The following ABTB3 variants were observed in gnomAD, a reference collection of about 807,000 sequenced individuals.
ABTB3 encodes the protein ankyrin repeat- and BTB/POZ domain-containing protein 3.
chr12:107,342,405 G>A, the ABTB3 span, among the ~76,000 whole-genome samples: 1 of 152,064 alleles, frequency 6.6e-6, no homozygotes, highest in Non-Finnish European at 1.5e-5. Flanking sequence ...TCAGCTGAAA[G>A]GACCATGGTG....
the ABTB3 span, among the ~76,000 whole-genome samples, chr12:107,574,657 G>T: frequency 6.6e-6 from 1 of 152,218 alleles, no homozygotes; most frequent in Non-Finnish European, 1.5e-5. Flanking sequence ...AGGAGGCAGA[G>T]GTTGCAGTGA....
At chr12:107,406,160 C>T in the ABTB3 span, among the ~76,000 whole-genome samples, 1 of 152,202 alleles carries the variant, frequency 6.6e-6, no homozygotes. Flanking sequence ...GTACCTGTCC[C>T]ATGGGGTTGT....
chr12:107,651,468 C>A, the ABTB3 span, among the ~76,000 whole-genome samples: 1 of 152,106 alleles, frequency 6.6e-6, no homozygotes, highest in Non-Finnish European at 1.5e-5. Context: ...TCCCCTCCCC[C>A]TCCCGCTCCC....
chr12:107,649,484 G>T, the ABTB3 span: 1 of 559,792 alleles, frequency 1.8e-6, no homozygotes. Flanking sequence ...CTGGCAGGCT[G>T]GGGTGCTAGT....
chr12:107,544,117 A>G, the ABTB3 span: 3 of 1,613,978 alleles, frequency 1.9e-6, no homozygotes, highest in Non-Finnish European at 2.5e-6. Flanking sequence ...GGAGCCTTCC[A>G]AAGTCAACCT....
At chr12:107,397,802 A>G in the ABTB3 span, among the ~76,000 whole-genome samples, 1 of 152,108 alleles carries the variant, frequency 6.6e-6, no homozygotes, top group Non-Finnish European at 1.5e-5. Flanking sequence ...ATGGGGGTCT[A>G]ATCTAATTTT....
chr12:107,503,580 A>G, the ABTB3 span, among the ~76,000 whole-genome samples: 12 of 151,854 alleles, frequency 7.9e-5, no homozygotes, highest in Middle Eastern at 3.2e-3. Context: ...CAACATGATG[A>G]GACCCCGTCT....
the ABTB3 span, among the ~76,000 whole-genome samples, chr12:107,426,364 C>T: frequency 6.6e-6 from 1 of 152,160 alleles, no homozygotes; most frequent in Non-Finnish European, 1.5e-5. Context: ...GCCCATTGGG[C>T]TGCCCTCTGC....
At chr12:107,648,870 G>A in the ABTB3 span, among the ~76,000 whole-genome samples, 1 of 146,724 alleles carries the variant, frequency 6.8e-6, no homozygotes, top group African/African-American at 2.5e-5. Flanking sequence ...AAGACCCCGT[G>A]ATTATCATGA....
the ABTB3 span, among the ~76,000 whole-genome samples, chr12:107,370,620 G>A: frequency 6.6e-6 from 1 of 152,150 alleles, no homozygotes; most frequent in Admixed American, 6.5e-5. Flanking sequence ...GGGAAGCATG[G>A]GAAGTGTTGC....
At chr12:107,456,797 T>TTTGA in the ABTB3 span, among the ~76,000 whole-genome samples, 2 of 151,954 alleles carry the variant, frequency 1.3e-5, no homozygotes, top group Non-Finnish European at 2.9e-5. Flanking sequence ...AGAACCTGGA[T>TTTGA]TTGAACTTGA....
chr12:107,334,599 A>T, the ABTB3 span, among the ~76,000 whole-genome samples: 3 of 151,852 alleles, frequency 2.0e-5, no homozygotes, highest in Admixed American at 6.6e-5. Flanking sequence ...TAACTAGGCC[A>T]TTGGATACTC....
the ABTB3 span, among the ~76,000 whole-genome samples, chr12:107,465,422 C>T: frequency 6.6e-6 from 1 of 152,114 alleles, no homozygotes; most frequent in Non-Finnish European, 1.5e-5. Flanking sequence ...GTGTTCCTCC[C>T]CTACACTGTG....
the ABTB3 span, among the ~76,000 whole-genome samples, chr12:107,608,968 TATAA>T: frequency 0.04 from 4,090 of 101,584 alleles, 382 homozygotes; most frequent in African/African-American, 0.15. Context: ...TAAAATAAAA[TATAA>T]AATAAAATAA....
At chr12:107,477,555 C>T in the ABTB3 span, among the ~76,000 whole-genome samples, 1 of 152,074 alleles carries the variant, frequency 6.6e-6, no homozygotes, top group African/African-American at 2.4e-5. Context: ...TATGTCATCC[C>T]GCCATATAGG....
At chr12:107,496,883 G>A in the ABTB3 span, among the ~76,000 whole-genome samples, 1 of 152,102 alleles carries the variant, frequency 6.6e-6, no homozygotes, top group Non-Finnish European at 1.5e-5. Context: ...CCACTGCTCT[G>A]TCTTATTGTA....
the ABTB3 span, among the ~76,000 whole-genome samples, chr12:107,388,874 C>T: frequency 2.0e-5 from 3 of 152,300 alleles, no homozygotes; most frequent in East Asian, 5.8e-4. Context: ...TTATCAGGAG[C>T]CAGGGTTTCC....
chr12:107,352,947 G>A, the ABTB3 span, among the ~76,000 whole-genome samples: 2 of 152,194 alleles, frequency 1.3e-5, no homozygotes, highest in African/African-American at 4.8e-5. Context: ...CATAAGTGGA[G>A]GAAGAACACT....
At chr12:107,472,376 T>A in the ABTB3 span, among the ~76,000 whole-genome samples, 1 of 152,176 alleles carries the variant, frequency 6.6e-6, no homozygotes, top group Admixed American at 6.5e-5. Flanking sequence ...CAAGGCACTC[T>A]GGCCTCTCCA....
Sources: gnomAD v4.1 joint callset for allele counts (sites outside exome capture counted in the v4.1 genomes callset) on GRCh38, gnomAD v4.1.1 for gene constraint, MANE v1.5 for transcripts, NCBI Gene and HGNC (gene_info 2026-07-23, HGNC 2026-07-21) for gene names.